The following MYT1L variants were observed in gnomAD, a reference collection of about 807,000 sequenced individuals.
MYT1L encodes the protein myelin transcription factor 1 like, also known as myelin transcription factor 1-like protein.
A neutral mutation model predicts 126.7 loss-of-function variants in MYT1L; 12 were observed. The ratio of observed to expected loss-of-function variants is 0.09; its 90% CI spans 0.06 to 0.15. The LOEUF is 0.15. Ranked by LOEUF, MYT1L falls within the 10% of genes least tolerant of loss-of-function variation. The pLI, the probability that MYT1L is intolerant of heterozygous loss-of-function variation, is 1.00. For missense variants in MYT1L, 979 were observed against 1,585.2 expected (o/e 0.62, Z 6.49); for synonymous variants, 541 against 604.2 (o/e 0.90, Z 1.53).
At chr2:2,054,485 T>C (rs925916496) in intron 3 of MYT1L, among the ~76,000 whole-genome samples, 32 of 150,178 alleles carry the variant, frequency 2.1e-4, no homozygotes, top group Admixed American at 2.1e-3. Flanking sequence ...ATGAGACATA[T>C]GGAGACACAT....
chr2:2,314,184 G>T (rs975455222), intron 1 of MYT1L, among the ~76,000 whole-genome samples: 3 of 152,134 alleles, frequency 2.0e-5, no homozygotes, highest in Non-Finnish European at 4.4e-5. Flanking sequence ...AGAATGAAAT[G>T]ATATGCATTT....
chr2:1,882,259 T>C (rs1023486416), intron 18 of MYT1L, among the ~76,000 whole-genome samples: 1 of 152,056 alleles, frequency 6.6e-6, no homozygotes, highest in Non-Finnish European at 1.5e-5. Flanking sequence ...CAGTGGACGC[T>C]ATGCACGGGA....
intron 3 of MYT1L, among the ~76,000 whole-genome samples, chr2:2,166,214 T>A (rs1246042195): frequency 6.6e-6 from 1 of 152,192 alleles, no homozygotes; most frequent in East Asian, 1.9e-4. Context: ...CCCACCGTTA[T>A]AAACTCATGA....
At chr2:2,250,711 A>G (rs909205423) in intron 2 of MYT1L, among the ~76,000 whole-genome samples, 3 of 152,142 alleles carry the variant, frequency 2.0e-5, no homozygotes, top group African/African-American at 7.2e-5. Context: ...ATGGATACCC[A>G]ATTCTCCATG....
At chr2:2,154,558 C>T (rs2086397359) in intron 3 of MYT1L, among the ~76,000 whole-genome samples, 1 of 152,172 alleles carries the variant, frequency 6.6e-6, no homozygotes, top group East Asian at 1.9e-4. Context: ...GGCCATTATC[C>T]TAGCAAACTA....
intron 21 of MYT1L, among the ~76,000 whole-genome samples, chr2:1,830,560 A>G (rs900766075): frequency 6.6e-6 from 1 of 151,530 alleles, no homozygotes; most frequent in Non-Finnish European, 1.5e-5. Flanking sequence ...TCACAGGGAG[A>G]TGGGGGAAAG....
In MYT1L at chr2:1,943,357, CAGGGG is replaced by C; in HGVS notation, c.153-28_153-24del. On this transcript the variant is annotated intron_variant, in intron 8 of 24. Coordinates refer to ENST00000647738, the MANE Select transcript of MYT1L (RefSeq NM_001303052.2). This position sits in a 1 kb window ranked among gnomAD's most constrained non-coding sequence, Gnocchi z 4.4. ...ACACTAATTAAAAAAATAGAGAAGGCAGGGGAGAGAGAGAAAAAAAATATCTGTGT... is the reference window on the plus strand; with the variant it reads ...ACACTAATTAAAAAAATAGAGAAGGCAGAGAGAGAAAAAAAATATCTGTGT... The C allele has an allele frequency of 6.6e-7, 1 of 1,515,522 alleles. No individual in the cohort carries two copies. The highest frequency in any genetic ancestry group is 8.8e-7 in the Non-Finnish European group (1 of 1,133,842). 93.9% of individuals were successfully genotyped at this position (1,515,522 alleles called of 1,614,324 possible).
chr2:2,170,869 G>GA (rs1296531486), intron 3 of MYT1L, among the ~76,000 whole-genome samples: 1 of 152,188 alleles, frequency 6.6e-6, no homozygotes, highest in Admixed American at 6.5e-5. Context: ...CCATAGCCCC[G>GA]AAAGTGAGAA....
intron 4 of MYT1L, among the ~76,000 whole-genome samples, chr2:2,049,657 G>A (rs1485555568): frequency 6.6e-6 from 1 of 152,188 alleles, no homozygotes; most frequent in Non-Finnish European, 1.5e-5. Flanking sequence ...CATGTTGTGG[G>A]AGGGACCAGT....
chr2:2,293,914 G>A (rs1168271415), intron 1 of MYT1L, among the ~76,000 whole-genome samples: 1 of 152,214 alleles, frequency 6.6e-6, no homozygotes, highest in Non-Finnish European at 1.5e-5. Context: ...GCGCGCCTCT[G>A]AGGGATGCTT....
chr2:2,230,437 C>T (rs1483731315), intron 2 of MYT1L, among the ~76,000 whole-genome samples: 1 of 152,176 alleles, frequency 6.6e-6, no homozygotes, highest in Non-Finnish European at 1.5e-5. Flanking sequence ...GTTTATTGAC[C>T]AGCTCAATTC....
chr2:2,232,230 C>T (rs1253459521), intron 2 of MYT1L, among the ~76,000 whole-genome samples: 1 of 152,194 alleles, frequency 6.6e-6, no homozygotes, highest in Non-Finnish European at 1.5e-5. Flanking sequence ...TCAGCATCCA[C>T]AGGAAGAAAA....
intron 4 of MYT1L, among the ~76,000 whole-genome samples, chr2:2,051,487 T>C (rs1371921020): frequency 6.6e-6 from 1 of 152,154 alleles, no homozygotes; most frequent in Non-Finnish European, 1.5e-5. Context: ...TGTCCAGCAA[T>C]GAACCGCTGG....
intron 3 of MYT1L, among the ~76,000 whole-genome samples, chr2:2,096,741 G>A (rs2077502112): frequency 6.6e-6 from 1 of 152,140 alleles, no homozygotes; most frequent in South Asian, 2.1e-4. Flanking sequence ...TCACCTTCCT[G>A]AGGATGGACT....
At chr2:1,969,826 G>C (rs1015989229) in intron 8 of MYT1L, among the ~76,000 whole-genome samples, 1 of 152,170 alleles carries the variant, frequency 6.6e-6, no homozygotes, top group African/African-American at 2.4e-5. Flanking sequence ...AGGAGGTGCA[G>C]GAGGATGGAG....
In MYT1L at chr2:1,833,890, G is replaced by A. The variant is rs113454867; in HGVS notation, c.3080+5259C>T. 4.4e-3 allele frequency among the ~76,000 whole-genome samples: 670 copies of A among 152,326 alleles called. 4 individuals are homozygous for A. The highest frequency in any genetic ancestry group is 0.015 in the African/African-American group (617 of 41,568). Reference sequence around the variant, plus strand: ...TCAACGCAGAAAGAGCAGCGGCTGCGCCAGGACTCCCCATGAAGTGAAGTG... The same window carrying A: ...TCAACGCAGAAAGAGCAGCGGCTGCACCAGGACTCCCCATGAAGTGAAGTG... On this transcript the variant is annotated intron_variant, in intron 21 of 24. Transcript: ENST00000647738.
intron 4 of MYT1L, among the ~76,000 whole-genome samples, chr2:2,005,261 T>TGTGTTCTTTCCTG (rs74164551): frequency 7.5e-6 from 1 of 132,578 alleles, no homozygotes; most frequent in Admixed American, 7.3e-5. Context: ...CTTTCCTGCA[T>TGTGTTCTTTCCTG]ACGTTCTTTC....
At chr2:1,927,176 C>T (rs892826637) in intron 9 of MYT1L, among the ~76,000 whole-genome samples, 1 of 152,010 alleles carries the variant, frequency 6.6e-6, no homozygotes. Flanking sequence ...GGCCCAACTA[C>T]TCCAGGTGAG....
At chr2:2,030,966 C>T (rs1296418212) in intron 4 of MYT1L, among the ~76,000 whole-genome samples, 3 of 152,200 alleles carry the variant, frequency 2.0e-5, no homozygotes, top group Non-Finnish European at 4.4e-5. Flanking sequence ...TTTCTGGTTT[C>T]TCACATTGTG....
Sources: allele counts gnomAD v4.1 joint callset (sites outside exome capture counted in the v4.1 genomes callset), GRCh38; gene constraint gnomAD v4.1.1; non-coding constraint Gnocchi (gnomAD v3.1); transcripts MANE v1.5; gene names NCBI Gene and HGNC (gene_info 2026-07-23, HGNC 2026-07-21).